NTHL1: variants seen among roughly 807,000 people sequenced by gnomAD.
The protein encoded by NTHL1 is nth like DNA glycosylase 1, also known as endonuclease III-like protein 1.
A neutral mutation model predicts 32.3 loss-of-function variants in NTHL1; 32 were observed. The observed-to-expected ratio is 0.99, with a 90% CI of 0.75 to 1.33. The LOEUF is 1.33. Among genes scored for constraint, NTHL1 ranks in the 40% most tolerant of loss-of-function variants. NTHL1 has a pLI of 0.00. For missense variants in NTHL1, 501 were observed against 414.1 expected, an observed-to-expected ratio of 1.21 and a Z score of -1.82; for synonymous variants, 188 against 176.9, an observed-to-expected ratio of 1.06 and a Z score of -0.50.
chr16:2,047,381 A>C, intron 1 of NTHL1: 1 of 388,504 alleles, frequency 2.6e-6, no homozygotes, highest in Non-Finnish European at 4.7e-6. Flanking sequence ...CTCTCCGAGG[A>C]CAGCAAGTTC....
chr16:2,042,846 A>C (rs1479640437), intron 4 of NTHL1, among the ~76,000 whole-genome samples: 69 of 33,544 alleles, frequency 2.1e-3, no homozygotes, highest in Admixed American at 4.9e-3. Flanking sequence ...CTCCCTCTCC[A>C]CCCTCCCCCC....
At chr16:2,045,348 C>A (rs544433746) in intron 2 of NTHL1, among the ~76,000 whole-genome samples, 1 of 152,166 alleles carries the variant, frequency 6.6e-6, no homozygotes, top group South Asian at 2.1e-4. Flanking sequence ...AAAAAAAAAC[C>A]CAACACGATC....
intron 1 of NTHL1, 145 bp from the exon 2 acceptor site, chr16:2,046,511 A>G: frequency 1.4e-6 from 1 of 737,176 alleles, no homozygotes; most frequent in Non-Finnish European, 2.2e-6. Context: ...TGCCCTCTGC[A>G]GTCTGGGGTA....
At chr16:2,046,449 C>G in intron 1 of NTHL1, 83 bp from the exon 2 acceptor site, 1 of 1,269,980 alleles carries the variant, frequency 7.9e-7, no homozygotes, top group Non-Finnish European at 1.1e-6. Context: ...CTAGCTCACC[C>G]CTCACTCGTT....
chr16:2,041,695 C>A (rs2084270631), intron 4 of NTHL1, among the ~76,000 whole-genome samples: 1 of 152,018 alleles, frequency 6.6e-6, no homozygotes, highest in Admixed American at 6.6e-5. Context: ...GCAAGCCCCA[C>A]CTCCCAGGTT....
At chr16:2,047,425 C>G (rs1040677964) in intron 1 of NTHL1, 2 of 510,956 alleles carry the variant, frequency 3.9e-6, no homozygotes, top group Admixed American at 7.3e-5. Context: ...CCCACAGAGC[C>G]TGGAGTGGAG....
At chr16:2,041,609 A>ATT (rs112551427) in intron 4 of NTHL1, among the ~76,000 whole-genome samples, 2 of 142,010 alleles carry the variant, frequency 1.4e-5, no homozygotes, top group Admixed American at 7.0e-5. Context: ...CGCCCGGCTA[A>ATT]TTTTTTTTTT....
chr16:2,045,049 G>A (rs1296721552), intron 2 of NTHL1, among the ~76,000 whole-genome samples: 4 of 152,198 alleles, frequency 2.6e-5, no homozygotes, highest in African/African-American at 7.2e-5. Flanking sequence ...GCTTAGAATC[G>A]TATGTGGCCG....
chr16:2,040,780 G>A (rs1012640790), intron 4 of NTHL1, among the ~76,000 whole-genome samples: 3 of 152,278 alleles, frequency 2.0e-5, no homozygotes, highest in Non-Finnish European at 4.4e-5. Flanking sequence ...CCCTGTCCCC[G>A]GAAGGGTCCA....
rs1274203851 is a variant in NTHL1, at chr16:2,043,164, A to G, written c.685+403T>C. 1.3e-5 allele frequency among the ~76,000 whole-genome samples: 2 copies of G among 149,150 alleles called. No homozygotes were observed. Among genetic ancestry groups the G allele is most frequent in the East Asian group, 4.0e-4 (2 of 4,968 alleles). On this transcript the variant is annotated intron_variant, in intron 4 of 5. Transcript: ENST00000651570. This position sits in a 1 kb window ranked among gnomAD's most constrained non-coding sequence, Gnocchi z 4.4. ...TCCTCCTCTTGGCCTGGCTCACCCC[A>G]CCTTGCTCTGCAGCTCTCAGGTGAA...
intron 4 of NTHL1, among the ~76,000 whole-genome samples, chr16:2,041,697 TC>T (rs1876944781): frequency 6.6e-6 from 1 of 151,524 alleles, no homozygotes; most frequent in African/African-American, 2.4e-5. Flanking sequence ...AAGCCCCACC[TC>T]CCAGGTTCAC....
rs1477658138 is a variant in NTHL1, at chr16:2,043,015, C to T, written c.685+552G>A. Reference sequence around the variant, plus strand: ...CCCCACCTGCTGAGGGGATACTCTTCCTCCTCCCTCCTCAGTCCTTACCTC... The same window carrying T: ...CCCCACCTGCTGAGGGGATACTCTTTCTCCTCCCTCCTCAGTCCTTACCTC... On this transcript the variant is annotated intron_variant, in intron 4 of 5. Coordinates refer to ENST00000651570, the MANE Select transcript of NTHL1 (RefSeq NM_002528.7). This position sits in a 1 kb window ranked among gnomAD's most constrained non-coding sequence, Gnocchi z 4.4. 1.6e-5 allele frequency among the ~76,000 whole-genome samples: 2 copies of T among 127,448 alleles called. No homozygotes were observed. Among genetic ancestry groups the T allele is most frequent in the Non-Finnish European group, 3.3e-5 (2 of 60,996 alleles). 83.6% of individuals were successfully genotyped at this position (127,448 alleles called of 152,430 possible).
chr16:2,039,866 G>C lies in NTHL1; in HGVS notation c.*58C>G, dbSNP rs1289054973. The C allele has an allele frequency of 2.1e-5, 34 of 1,595,258 alleles. No homozygotes were observed. In the South Asian group the frequency reaches 3.3e-4, roughly 15 times the overall value. On this transcript the variant is annotated 3_prime_UTR_variant, in exon 6 of 6. Transcript: ENST00000651570. ...TTCAACAGGCGTGGCTTCCTGAAGC[G>C]TAAAGCCACTTCACAGACGGTGGCC...
Position 2,042,114 on chromosome 16 carries a change from G to C in NTHL1, c.685+1453C>G, listed in dbSNP as rs148569506. Reference sequence around the variant, plus strand: ...GGGAACCCCTAGGAGGCAGCCCTGGGGTCTCCTTGCAGGTGGTCAGGCCCA... The same window carrying C: ...GGGAACCCCTAGGAGGCAGCCCTGGCGTCTCCTTGCAGGTGGTCAGGCCCA... On this transcript the variant is annotated intron_variant, in intron 4 of 5. Coordinates refer to ENST00000651570, the MANE Select transcript of NTHL1 (RefSeq NM_002528.7). 273 of 455,714 alleles carry C rather than the reference G, an allele frequency of 6.0e-4. 1 individual carries two copies. The Middle Eastern group carries it at 0.013, about 22-fold the overall frequency. The allele number at this position is 455,714 out of a possible 1,614,324, so 28.2% of individuals were successfully genotyped here.
At position 2,047,741 on chromosome 16, in the gene NTHL1, G is replaced by T; in HGVS notation, c.83C>A (p.Pro28His). 1 of 1,585,624 alleles carries T rather than the reference G, an allele frequency of 6.3e-7. No individual in the cohort carries two copies. Among genetic ancestry groups the T allele is most frequent in the Non-Finnish European group, 8.5e-7 (1 of 1,172,120 alleles). ...GAGPRGCREE[P>H]GPLRRREAAA... ...AGCCTCTCTTCTCCGGAGAGGCCCG[G>T]GCTCCTCCCTACACCCCCGCGGCCC... The change falls in exon 1 of 6, where the codon CCC becomes CAC. Residue 28 changes from proline (P) to histidine (H), a missense_variant. Pro to His is a moderately conservative substitution (Grantham distance 77). Transcript: ENST00000651570.
chr16:2,040,051 T>C lies in NTHL1; in HGVS notation c.792-4A>G. 1 of 1,611,874 alleles carries C rather than the reference T, an allele frequency of 6.2e-7. No homozygotes were observed. The highest frequency in any genetic ancestry group is 8.5e-7 in the Non-Finnish European group (1 of 1,179,782). On this transcript the variant is annotated splice_region_variant and splice_polypyrimidine_tract_variant and intron_variant, in intron 5 of 5. Coordinates refer to ENST00000651570, the MANE Select transcript of NTHL1 (RefSeq NM_002528.7). ...ATTGATCTCGTGCCACAGCTCCCTG[T>C]GGGGGTGGGGGCTGGGTCAGTGCTG... is the stretch of plus-strand genomic sequence containing the variant.
In NTHL1 at chr16:2,044,865, G is replaced by A. The variant is rs1407721411; in HGVS notation, c.355-65C>T. 18 of 1,494,212 alleles carry A rather than the reference G, an allele frequency of 1.2e-5. No homozygotes were observed. Among genetic ancestry groups the A allele is most frequent in the Admixed American group, 8.1e-5 (4 of 49,332 alleles). 92.6% of individuals were successfully genotyped at this position (1,494,212 alleles called of 1,614,324 possible). Reference sequence around the variant, plus strand: ...CTGGGTGATTCCCTGGCCAGGCTCCGCCCCCCGCCCTCGACACACCCTGGT... The same window carrying A: ...CTGGGTGATTCCCTGGCCAGGCTCCACCCCCCGCCCTCGACACACCCTGGT... On this transcript the variant is annotated intron_variant, in intron 2 of 5. Transcript: ENST00000651570. This position sits in a 1 kb window ranked among gnomAD's most constrained non-coding sequence, Gnocchi z 5.0.
rs780797111 is a variant in NTHL1, at chr16:2,043,527, A to T, written c.685+40T>A. Reference sequence around the variant, plus strand: ...CAAGGATGTGGGGAATCCCAAGAGCAGCCAGTGGGCTGGAGCCAGCCCCGC... The same window carrying T: ...CAAGGATGTGGGGAATCCCAAGAGCTGCCAGTGGGCTGGAGCCAGCCCCGC... On this transcript the variant is annotated intron_variant, in intron 4 of 5. Coordinates refer to ENST00000651570, the MANE Select transcript of NTHL1 (RefSeq NM_002528.7). This position sits in a 1 kb window ranked among gnomAD's most constrained non-coding sequence, Gnocchi z 4.4. 6.3e-7 allele frequency: 1 copy of T among 1,599,226 alleles called. No homozygotes were observed. The highest frequency in any genetic ancestry group is 1.7e-5 in the Admixed American group (1 of 59,990).
At chr16:2,042,854 C>A (rs1467087398) in intron 4 of NTHL1, among the ~76,000 whole-genome samples, 1 of 99,566 alleles carries the variant, frequency 1.0e-5, no homozygotes, top group Non-Finnish European at 2.1e-5. Context: ...CCACCCTCCC[C>A]CCATCCTCCC....
Sources: gnomAD v4.1 joint callset for allele counts (sites outside exome capture counted in the v4.1 genomes callset) on GRCh38, gnomAD v4.1.1 for gene constraint, Gnocchi (gnomAD v3.1) non-coding constraint, MANE v1.5 for transcripts, NCBI Gene and HGNC (gene_info 2026-07-23, HGNC 2026-07-21) for gene names.